The following IRGM variants were observed in gnomAD, a reference collection of about 807,000 sequenced individuals.
IRGM encodes the protein immunity related GTPase M.
For synonymous variants in IRGM, 98 were observed against 80.6 expected (o/e 1.22, Z -1.16); for missense variants, 288 against 219.9 (o/e 1.31, Z -1.96).
chr5:150,846,544 C>T lies in IRGM; in HGVS notation c.-1092C>T, dbSNP rs969349338. On this transcript the variant is annotated 5_prime_UTR_variant, in exon 1 of 2. Coordinates refer to ENST00000522154, the MANE Select transcript of IRGM (RefSeq NM_001145805.2). ...GTGGTAACCTGCTCAGGTCCCCTTC[C>T]ATGCTGTGGAAGCTTTGTTTTTTTG... 3 of 152,182 alleles carry T rather than the reference C, an allele frequency of 2.0e-5. No individual in the cohort carries two copies. Among genetic ancestry groups the T allele is most frequent in the African/African-American group, 7.2e-5 (3 of 41,416 alleles). The allele number at this position is 152,182 out of a possible 1,614,324, so 9.4% of individuals were successfully genotyped here.
At chr5:150,899,683 A>C (rs531600385) in intron 3 of IRGM, among the ~76,000 whole-genome samples, 1 of 152,254 alleles carries the variant, frequency 6.6e-6, no homozygotes, top group Admixed American at 6.5e-5. Context: ...ACATAACATC[A>C]AAAATGAATT....
At chr5:150,855,306 A>G (rs527898847) in intron 1 of IRGM, among the ~76,000 whole-genome samples, 24 of 152,226 alleles carry the variant, frequency 1.6e-4, no homozygotes, top group Non-Finnish European at 3.2e-4. Flanking sequence ...AATAATTGGC[A>G]GCTTAAAAAT....
chr5:150,872,687 G>A (rs1215806667), intron 1 of IRGM, among the ~76,000 whole-genome samples: 1 of 152,182 alleles, frequency 6.6e-6, no homozygotes, highest in Non-Finnish European at 1.5e-5. Context: ...TGCAGCTCAG[G>A]AAGTTAAAAA....
In IRGM at chr5:150,870,010, G is replaced by C. The variant is rs74904006; in HGVS notation, c.159-7970G>C. The stretch of plus-strand genomic sequence containing the variant: ...CTAAAGATTCCAAAAGACCTCCAAA[G>C]CCTGTGGACATGGAGGATCCAAGCC... On this transcript the variant is annotated intron_variant and NMD_transcript_variant, in intron 1 of 3. Coordinates refer to the IRGM transcript ENST00000520549. 3.9e-3 allele frequency among the ~76,000 whole-genome samples: 600 copies of C among 152,240 alleles called. 10 individuals carry two copies. In the East Asian group the frequency reaches 0.054, roughly 14 times the overall value.
downstream of IRGM, among the ~76,000 whole-genome samples, chr5:150,852,148 A>T (rs1256312307): frequency 1.3e-5 from 2 of 152,300 alleles, no homozygotes; most frequent in Middle Eastern, 3.4e-3. Context: ...AGTAAGCTGT[A>T]TAATTTTCAT....
chr5:150,876,656 G>A (rs900985573), intron 1 of IRGM, among the ~76,000 whole-genome samples: 2 of 152,148 alleles, frequency 1.3e-5, no homozygotes, highest in African/African-American at 4.8e-5. Flanking sequence ...GGGTCATTGG[G>A]AAACTGCAAC....
chr5:150,879,509 G>A (rs1320518763), intron 2 of IRGM: 1 of 152,142 alleles, frequency 6.6e-6, no homozygotes, highest in Non-Finnish European at 1.5e-5. Flanking sequence ...TACTTAGTCT[G>A]GCCAGGCACT....
chr5:150,891,314 A>G (rs1462328648), intron 3 of IRGM, among the ~76,000 whole-genome samples: 1 of 151,956 alleles, frequency 6.6e-6, no homozygotes, highest in Non-Finnish European at 1.5e-5. Context: ...GAATCCATTT[A>G]TGTCTTTACA....
chr5:150,879,507 C>A (rs140050845), intron 2 of IRGM: 3 of 152,292 alleles, frequency 2.0e-5, no homozygotes, highest in African/African-American at 7.2e-5. Context: ...AGTACTTAGT[C>A]TGGCCAGGCA....
intron 1 of IRGM, among the ~76,000 whole-genome samples, chr5:150,857,776 G>C (rs1037862299): frequency 1.3e-5 from 2 of 152,160 alleles, no homozygotes; most frequent in African/African-American, 4.8e-5. Context: ...TGATGGGGTT[G>C]TTTGTTTTTT....
At chr5:150,848,736 C>G (rs1200473262), downstream of IRGM, 5 of 1,105,256 alleles carry the variant, frequency 4.5e-6, no homozygotes, top group African/African-American at 3.2e-5. Flanking sequence ...TTTCACTGGA[C>G]TCATTGAAAC....
chr5:150,869,532 T>C (rs1405911045), intron 1 of IRGM, among the ~76,000 whole-genome samples: 2 of 152,188 alleles, frequency 1.3e-5, no homozygotes, highest in Non-Finnish European at 2.9e-5. Flanking sequence ...CCCTATCTTT[T>C]GGAATAGTTT....
chr5:150,879,818 C>T (rs1433282247), intron 3 of IRGM, among the ~76,000 whole-genome samples: 2 of 152,338 alleles, frequency 1.3e-5, no homozygotes, highest in African/African-American at 2.4e-5. Flanking sequence ...CAAGGGTACA[C>T]TTACTTCTTA....
chr5:150,898,678 GT>G, intron 3 of IRGM: 1 of 1,159,078 alleles, frequency 8.6e-7, no homozygotes, highest in Non-Finnish European at 1.2e-6. Flanking sequence ...ATAAAATCCT[GT>G]TTTTAGCAAG....
In IRGM at chr5:150,889,461, T is replaced by A. The variant is rs1202540395; in HGVS notation, c.*140+9815T>A. ...CTCTCACCAGGTCCCTCCCACAACATGTGGGAATTGTGGGAGCTACAATTC... is the reference window on the plus strand; with the variant it reads ...CTCTCACCAGGTCCCTCCCACAACAAGTGGGAATTGTGGGAGCTACAATTC... On this transcript the variant is annotated intron_variant and NMD_transcript_variant, in intron 3 of 3. Coordinates refer to the IRGM transcript ENST00000520549. Among the ~76,000 whole-genome samples, 4 of 152,090 alleles carry A rather than the reference T, an allele frequency of 2.6e-5. No individual in the cohort carries two copies. The East Asian group carries it at 7.7e-4, about 29-fold the overall frequency.
intron 1 of IRGM, among the ~76,000 whole-genome samples, chr5:150,859,391 T>C (rs1218959853): frequency 6.6e-6 from 1 of 152,216 alleles, no homozygotes; most frequent in African/African-American, 2.4e-5. Context: ...AAATTCTCTT[T>C]TTTGGCTGTG....
At position 150,885,240 on chromosome 5, in the gene IRGM, T is replaced by G. The variant is rs1042851367; in HGVS notation, c.*140+5594T>G. Among the ~76,000 whole-genome samples, 3 of 152,104 alleles carry G rather than the reference T, an allele frequency of 2.0e-5. No homozygotes were observed. In the East Asian group the frequency reaches 5.8e-4, roughly 29 times the overall value. On this transcript the variant is annotated intron_variant and NMD_transcript_variant, in intron 3 of 3. Coordinates refer to the IRGM transcript ENST00000520549. ...AGATGGTCCCAGGTGTGCAGCCTTA[T>G]TTTGGAGCTCTCTATCCTGTTCCAT... is the stretch of plus-strand genomic sequence containing the variant.
chr5:150,869,073 G>A (rs980404308), intron 1 of IRGM, among the ~76,000 whole-genome samples: 2 of 152,036 alleles, frequency 1.3e-5, no homozygotes, highest in Non-Finnish European at 2.9e-5. Flanking sequence ...GTTCTCAGGG[G>A]GAATTCTTTC....
intron 1 of IRGM, among the ~76,000 whole-genome samples, chr5:150,859,292 G>A (rs1377433100): frequency 6.6e-6 from 1 of 152,154 alleles, no homozygotes; most frequent in Non-Finnish European, 1.5e-5. Context: ...TGATCATGGT[G>A]GATAAGCTTT....
Sources: allele counts gnomAD v4.1 joint callset (sites outside exome capture counted in the v4.1 genomes callset), GRCh38; gene constraint gnomAD v4.1.1; transcripts MANE v1.5; gene names NCBI Gene and HGNC (gene_info 2026-07-23, HGNC 2026-07-21).